AGBL4: variants seen among roughly 807,000 people sequenced by gnomAD.
AGBL4 encodes the protein cytosolic carboxypeptidase 6.
AGBL4 carries 58 observed loss-of-function variants against 66.4 expected under a neutral mutation model. That is an observed-to-expected ratio of 0.87 (90% confidence interval 0.71 to 1.09). The LOEUF (loss-of-function observed/expected upper bound fraction) is 1.09, where lower values mean the gene tolerates loss of function less well. Among genes scored for constraint, AGBL4 ranks in the 50% least tolerant of loss-of-function variants. The pLI is 0.00. For synonymous variants in AGBL4, 234 were observed against 222.9 expected (o/e 1.05, Z -0.44); for missense variants, 579 against 631.0 (o/e 0.92, Z 0.88).
chr1:49,407,810 G>C (rs1318339494), intron 3 of AGBL4, among the ~76,000 whole-genome samples: 2 of 152,204 alleles, frequency 1.3e-5, no homozygotes, highest in African/African-American at 4.8e-5. Flanking sequence ...AGTGATTTAT[G>C]AGGCATATCG....
In AGBL4 at chr1:49,550,296, T is replaced by G. The variant is rs151078405; in HGVS notation, c.282+147017A>C. Reference sequence around the variant, plus strand: ...TACATTCAATGTTAGTATTGAGATATGAGGTACCGTTACATTCATAGTGCT... The same window carrying G: ...TACATTCAATGTTAGTATTGAGATAGGAGGTACCGTTACATTCATAGTGCT... On this transcript the variant is annotated intron_variant, in intron 3 of 13. Coordinates refer to ENST00000371839, the MANE Select transcript of AGBL4 (RefSeq NM_032785.4). Among the ~76,000 whole-genome samples the G allele has an allele frequency of 5.1e-3, 771 of 152,356 alleles. 2 individuals are homozygous for G. The highest frequency in any genetic ancestry group is 8.2e-3 in the Admixed American group (125 of 15,310).
At chr1:49,578,385 A>G (rs554561219) in intron 3 of AGBL4, among the ~76,000 whole-genome samples, 2 of 152,298 alleles carry the variant, frequency 1.3e-5, no homozygotes, top group South Asian at 4.1e-4. Context: ...TTCAGGAATG[A>G]AGGTTTTGGT....
chr1:49,279,873 T>C (rs1644241360), intron 3 of AGBL4, among the ~76,000 whole-genome samples: 1 of 152,134 alleles, frequency 6.6e-6, no homozygotes. Flanking sequence ...TCCCCAGAAC[T>C]CAACTGCCTT....
chr1:48,635,857 C>G (rs1645660139), intron 8 of AGBL4, among the ~76,000 whole-genome samples: 1 of 152,206 alleles, frequency 6.6e-6, no homozygotes, highest in African/African-American at 2.4e-5. Context: ...TCTAGGCCAG[C>G]AAGTTACCTC....
chr1:48,843,524 G>A (rs1646849853), intron 6 of AGBL4, among the ~76,000 whole-genome samples: 1 of 151,920 alleles, frequency 6.6e-6, no homozygotes, highest in Admixed American at 6.6e-5. Context: ...TTTTCGAATA[G>A]TTAAACCATA....
At chr1:49,600,394 T>C (rs1644931057) in intron 3 of AGBL4, among the ~76,000 whole-genome samples, 1 of 152,220 alleles carries the variant, frequency 6.6e-6, no homozygotes, top group Non-Finnish European at 1.5e-5. Flanking sequence ...TGATCTTTGT[T>C]GGTTTAAAGT....
intron 4 of AGBL4, among the ~76,000 whole-genome samples, chr1:49,154,308 G>A (rs1413320308): frequency 1.3e-5 from 2 of 151,494 alleles, no homozygotes; most frequent in Non-Finnish European, 2.9e-5. Context: ...GCTTTACAGA[G>A]TCATTAAGAG....
chr1:48,541,388 T>C (rs927464229), intron 11 of AGBL4, among the ~76,000 whole-genome samples: 2 of 152,250 alleles, frequency 1.3e-5, no homozygotes, highest in African/African-American at 4.8e-5. Context: ...GCAAGCTCTA[T>C]GAGGCAGAGG....
rs866046614 is a variant in AGBL4, at chr1:49,107,704, A to T, written c.378-61904T>A. 4.7e-3 allele frequency among the ~76,000 whole-genome samples: 653 copies of T among 140,326 alleles called. 4 individuals carry two copies. The highest frequency in any genetic ancestry group is 7.5e-3 in the Middle Eastern group (2 of 268). 92.1% of individuals were successfully genotyped at this position (140,326 alleles called of 152,430 possible). ...GTGTGTGTGTGTGTGTGAGAGAGAG[A>T]GAGAGAGAGAGAGAGAGAGAGAGAG... On this transcript the variant is annotated intron_variant, in intron 4 of 13. Transcript: ENST00000371839.
Position 49,732,404 on chromosome 1 carries a change from G to C in AGBL4, c.158-34967C>G, listed in dbSNP as rs375657757. Among the ~76,000 whole-genome samples the C allele has an allele frequency of 5.3e-5, 8 of 152,222 alleles. No homozygotes were observed. The South Asian group carries it at 8.3e-4, about 16-fold the overall frequency. ...TTCTCAACAAAAATTTAAAAGACAA[G>C]CAAAGAAACAAAAATGTAACTAAAT... On this transcript the variant is annotated intron_variant, in intron 2 of 13. Transcript: ENST00000371839.
At chr1:49,382,013 TA>T (rs200781237) in intron 3 of AGBL4, among the ~76,000 whole-genome samples, 155 of 150,154 alleles carry the variant, frequency 1.0e-3, no homozygotes, top group South Asian at 2.1e-3. Flanking sequence ...AAAATAAAAA[TA>T]AAAAAAAATA....
chr1:49,604,902 C>T (rs1486476685), intron 3 of AGBL4, among the ~76,000 whole-genome samples: 6 of 152,254 alleles, frequency 3.9e-5, no homozygotes, highest in East Asian at 1.9e-4. Flanking sequence ...CAAACACATA[C>T]AGAGCTTTCA....
chr1:49,800,122 A>G (rs943785195), intron 2 of AGBL4, among the ~76,000 whole-genome samples: 6 of 152,156 alleles, frequency 3.9e-5, no homozygotes. Context: ...GGTAGTCTCC[A>G]TGATCTTTAC....
At chr1:49,610,380 T>G (rs1020147723) in intron 3 of AGBL4, among the ~76,000 whole-genome samples, 2 of 152,100 alleles carry the variant, frequency 1.3e-5, no homozygotes, top group African/African-American at 4.8e-5. Context: ...CTTTTCAGAC[T>G]CCAAAATCCA....
At chr1:48,863,123 G>C (rs1215654266) in intron 6 of AGBL4, among the ~76,000 whole-genome samples, 1 of 152,140 alleles carries the variant, frequency 6.6e-6, no homozygotes, top group Non-Finnish European at 1.5e-5. Context: ...AGAATAACTA[G>C]GTGACAGTGT....
chr1:49,749,902 G>C (rs1651314266), intron 2 of AGBL4, among the ~76,000 whole-genome samples: 1 of 152,092 alleles, frequency 6.6e-6, no homozygotes, highest in Non-Finnish European at 1.5e-5. Flanking sequence ...AGCAATTTTA[G>C]TGAAAACTGT....
chr1:49,226,727 C>CT (rs1177230273), intron 4 of AGBL4, among the ~76,000 whole-genome samples: 1 of 152,178 alleles, frequency 6.6e-6, no homozygotes, highest in Non-Finnish European at 1.5e-5. Flanking sequence ...CTTAGGTCCC[C>CT]TTTTTTCCCA....
intron 8 of AGBL4, among the ~76,000 whole-genome samples, chr1:48,636,396 C>A (rs978637008): frequency 1.3e-5 from 2 of 152,178 alleles, no homozygotes; most frequent in East Asian, 3.8e-4. Context: ...ATTTCATTTT[C>A]GCTTTTATGC....
intron 4 of AGBL4, among the ~76,000 whole-genome samples, chr1:49,113,585 G>A (rs893580999): frequency 1.3e-5 from 2 of 152,266 alleles, no homozygotes; most frequent in Admixed American, 6.5e-5. Context: ...AAAATCGTAA[G>A]GATTTTCTAG....
Sources: gnomAD v4.1 joint callset for allele counts (sites outside exome capture counted in the v4.1 genomes callset) on GRCh38, gnomAD v4.1.1 for gene constraint, MANE v1.5 for transcripts, NCBI Gene and HGNC (gene_info 2026-07-23, HGNC 2026-07-21) for gene names.